DACH1: variants seen among roughly 807,000 people sequenced by gnomAD.
DACH1 encodes dachshund family transcription factor 1, also known as dachshund homolog 1.
A neutral mutation model predicts 54.2 loss-of-function variants in DACH1; 12 were observed. The observed-to-expected ratio is 0.22, with a 90% CI of 0.14 to 0.36. The LOEUF (loss-of-function observed/expected upper bound fraction) is 0.36. Ranked by LOEUF, DACH1 falls within the 10% of genes least tolerant of loss-of-function variation. The pLI is 1.00. For missense variants in DACH1, 805 were observed against 929.8 expected (o/e 0.87, Z 1.75); for synonymous variants, 386 against 366.2 (o/e 1.05, Z -0.62).
intron 6 of DACH1, among the ~76,000 whole-genome samples, chr13:71,543,410 T>C (rs188107963): frequency 3.9e-5 from 6 of 152,074 alleles, no homozygotes; most frequent in Admixed American, 3.3e-4. Flanking sequence ...AAACAAATAA[T>C]AAACTCTACA....
chr13:71,835,034 G>A (rs1332903100), intron 1 of DACH1, among the ~76,000 whole-genome samples: 1 of 151,956 alleles, frequency 6.6e-6, no homozygotes, highest in African/African-American at 2.4e-5. Flanking sequence ...AGAAAAGCAA[G>A]CTTGCCAAAA....
chr13:71,475,085 C>T, intron 10 of DACH1, 56 bp downstream of exon 10: 1 of 1,515,904 alleles, frequency 6.6e-7, no homozygotes, highest in Admixed American at 1.7e-5. Context: ...CAGGCTAAAG[C>T]TGAGGAAAAA....
chr13:71,592,673 A>G (rs550787371), intron 3 of DACH1, among the ~76,000 whole-genome samples: 1 of 152,182 alleles, frequency 6.6e-6, no homozygotes, highest in African/African-American at 2.4e-5. Context: ...CTAATACAGT[A>G]TGAGCATTAC....
At chr13:71,709,716 A>G (rs766381137) in intron 1 of DACH1, among the ~76,000 whole-genome samples, 1 of 152,200 alleles carries the variant, frequency 6.6e-6, no homozygotes, top group Admixed American at 6.5e-5. Context: ...ATAAGTATGC[A>G]CATATAGAAA....
chr13:71,792,357 C>CACACAG (rs1375736782), intron 1 of DACH1, among the ~76,000 whole-genome samples: 1 of 151,834 alleles, frequency 6.6e-6, no homozygotes, highest in African/African-American at 2.4e-5. Context: ...CACACACACA[C>CACACAG]ACACACACAC....
chr13:71,486,804 TTATTTATTTATCTATCTATCTATC>T (rs1322801538), intron 7 of DACH1, among the ~76,000 whole-genome samples: 2 of 26,090 alleles, frequency 7.7e-5, no homozygotes, highest in East Asian at 1.8e-3. Context: ...ATTAATTTAT[TTATTTATTTATCTATCTATCTATC>T]TATCTATCTA....
chr13:71,470,270 T>C (rs193156363), intron 10 of DACH1, among the ~76,000 whole-genome samples: 111 of 151,892 alleles, frequency 7.3e-4, no homozygotes, highest in African/African-American at 2.3e-3. Flanking sequence ...ATTCAGCTAT[T>C]GCATATAAAC....
intron 3 of DACH1, among the ~76,000 whole-genome samples, chr13:71,628,727 C>T (rs943400478): frequency 6.6e-6 from 1 of 152,044 alleles, no homozygotes; most frequent in Non-Finnish European, 1.5e-5. Flanking sequence ...AAGTAAGCTA[C>T]AATTTGGTTA....
chr13:71,760,761 CTA>C (rs1426659323), intron 1 of DACH1, among the ~76,000 whole-genome samples: 2 of 152,102 alleles, frequency 1.3e-5, no homozygotes, highest in African/African-American at 4.8e-5. Flanking sequence ...TATCAAAATT[CTA>C]TGTGTCTTTT....
intron 5 of DACH1, among the ~76,000 whole-genome samples, chr13:71,557,377 C>T (rs1884322923): frequency 1.3e-5 from 2 of 151,948 alleles, no homozygotes; most frequent in South Asian, 4.2e-4. Context: ...AATGACATCA[C>T]CTCACTTTAT....
intron 2 of DACH1, among the ~76,000 whole-genome samples, chr13:71,651,705 T>A (rs1365444286): frequency 1.3e-5 from 2 of 151,914 alleles, no homozygotes; most frequent in East Asian, 3.9e-4. Flanking sequence ...TATATGTATA[T>A]GTATATGTAT....
chr13:71,733,325 C>T (rs1044644697), intron 1 of DACH1, among the ~76,000 whole-genome samples: 1 of 151,958 alleles, frequency 6.6e-6, no homozygotes, highest in African/African-American at 2.4e-5. Context: ...CTATGCCTGG[C>T]CAAGTTTTTT....
intron 1 of DACH1, among the ~76,000 whole-genome samples, chr13:71,725,180 A>G (rs929228337): frequency 5.9e-5 from 9 of 152,148 alleles, no homozygotes; most frequent in Non-Finnish European, 1.2e-4. Flanking sequence ...TCATCAAAGC[A>G]ATATGAATGT....
intron 4 of DACH1, among the ~76,000 whole-genome samples, chr13:71,567,345 T>C (rs1593907467): frequency 6.6e-6 from 1 of 152,154 alleles, no homozygotes; most frequent in African/African-American, 2.4e-5. Context: ...TAAAATGCAT[T>C]TAAAAATCTG....
intron 1 of DACH1, among the ~76,000 whole-genome samples, chr13:71,776,455 T>A (rs1221109946): frequency 1.3e-5 from 2 of 152,098 alleles, no homozygotes; most frequent in African/African-American, 4.8e-5. Context: ...TATTATAACT[T>A]TAGATGTTAT....
intron 1 of DACH1, among the ~76,000 whole-genome samples, chr13:71,852,794 A>T (rs1023625880): frequency 4.6e-5 from 7 of 152,164 alleles, no homozygotes; most frequent in African/African-American, 1.7e-4. Context: ...CACATTAACA[A>T]AGTATAGAAA....
intron 1 of DACH1, among the ~76,000 whole-genome samples, chr13:71,784,034 G>T (rs1022190038): frequency 6.7e-6 from 1 of 150,240 alleles, no homozygotes; most frequent in Non-Finnish European, 1.5e-5. Flanking sequence ...AAAACTTATT[G>T]AGGACAACTG....
At chr13:71,754,741 GA>G (rs1297965689) in intron 1 of DACH1, among the ~76,000 whole-genome samples, 2,133 of 139,322 alleles carry the variant, frequency 0.015, 22 homozygotes, top group Non-Finnish European at 0.025. Context: ...ACATAACCAG[GA>G]AAAAAAAAAA....
At chr13:71,608,696 A>G (rs1875073717) in intron 3 of DACH1, among the ~76,000 whole-genome samples, 1 of 152,152 alleles carries the variant, frequency 6.6e-6, no homozygotes, top group African/African-American at 2.4e-5. Flanking sequence ...TCTAGAATTA[A>G]TAAGGACTGA....
Sources: allele counts gnomAD v4.1 joint callset (sites outside exome capture counted in the v4.1 genomes callset), GRCh38; gene constraint gnomAD v4.1.1; transcripts MANE v1.5; gene names NCBI Gene and HGNC (gene_info 2026-07-23, HGNC 2026-07-21).